HYDIN: variants seen among roughly 807,000 people sequenced by gnomAD.
HYDIN encodes the protein HYDIN axonemal central pair apparatus protein.
Under a neutral mutation model 403.9 loss-of-function variants are expected in HYDIN, and 132 were observed. The ratio of observed to expected loss-of-function variants is 0.33; its 90% confidence interval spans 0.28 to 0.38. The LOEUF (loss-of-function observed/expected upper bound fraction) is 0.38. HYDIN is among the 10% of genes least tolerant of loss of function. HYDIN has a pLI of 1.00. For synonymous variants in HYDIN, 1,202 were observed against 1,891.7 expected, an observed-to-expected ratio of 0.64 and a Z score of 9.46; for missense variants, 2,827 against 5,009.5, an observed-to-expected ratio of 0.56 and a Z score of 13.15.
chr16:71,136,882 T>A (rs1429617495), intron 8 of HYDIN, among the ~76,000 whole-genome samples: 1 of 144,386 alleles, frequency 6.9e-6, no homozygotes, highest in Non-Finnish European at 1.5e-5. Context: ...ATGATAGGTT[T>A]TGTCTTCAAA....
chr16:71,210,906 T>C (rs1410026962), intron 1 of HYDIN, among the ~76,000 whole-genome samples: 3 of 152,082 alleles, frequency 2.0e-5, no homozygotes, highest in Non-Finnish European at 4.4e-5. Context: ...GTATATTATA[T>C]GATAAAGCAA....
chr16:70,922,478 C>T (rs970577773), intron 45 of HYDIN, among the ~76,000 whole-genome samples: 6 of 152,220 alleles, frequency 3.9e-5, no homozygotes, highest in Admixed American at 3.9e-4. Context: ...ACACGTGGAA[C>T]ATTTACAGAA....
chr16:70,927,842 C>G (rs1482289881), intron 45 of HYDIN, among the ~76,000 whole-genome samples: 1 of 151,874 alleles, frequency 6.6e-6, no homozygotes, highest in Non-Finnish European at 1.5e-5. Context: ...AAATGGCTGG[C>G]AACCTAGAGG....
intron 1 of HYDIN, among the ~76,000 whole-genome samples, chr16:71,213,325 T>C (rs528655524): frequency 6.6e-6 from 1 of 152,224 alleles, no homozygotes; most frequent in East Asian, 1.9e-4. Context: ...AATAATAGCG[T>C]TTATAATATT....
chr16:71,134,711 T>C (rs1320371991), intron 8 of HYDIN, among the ~76,000 whole-genome samples: 1 of 152,180 alleles, frequency 6.6e-6, no homozygotes, highest in Non-Finnish European at 1.5e-5. Context: ...AAGGGCAAAC[T>C]TGTCTGTACT....
At chr16:70,982,358 T>C (rs943628653) in intron 28 of HYDIN, among the ~76,000 whole-genome samples, 8 of 151,492 alleles carry the variant, frequency 5.3e-5, no homozygotes, top group African/African-American at 1.9e-4. Flanking sequence ...AAGGAATATA[T>C]GGCATTGGAA....
Position 71,069,311 on chromosome 16 carries a change from G to T in HYDIN, c.1930C>A (p.Pro644Thr). ...SMKPKEFTIS[P>T]DCGTIRPQGF... ...TGGGGGCGAATGGTGCCACAGTCAG[G>T]AGAGATGGTGAATTCTTTTGGTTTC... Residue 644 changes from proline to threonine, a missense_variant, in exon 14 of 86, where the codon CCT becomes ACT. Pro to Thr is a conservative substitution (Grantham distance 38). Coordinates refer to ENST00000393567, the MANE Select transcript of HYDIN (RefSeq NM_001270974.2). 1 of 1,613,784 alleles carries T rather than the reference G, an allele frequency of 6.2e-7. No individual in the cohort carries two copies. Among genetic ancestry groups the T allele is most frequent in the Admixed American group, 1.7e-5 (1 of 59,974 alleles).
At chr16:71,219,600 C>T (rs1404419052) in intron 1 of HYDIN, among the ~76,000 whole-genome samples, 1 of 152,166 alleles carries the variant, frequency 6.6e-6, no homozygotes, top group Admixed American at 6.5e-5. Context: ...TAAAAGTCCA[C>T]TTTTCCTCCA....
At chr16:70,886,504 A>G (rs544290301) in intron 58 of HYDIN, among the ~76,000 whole-genome samples, 66 of 152,070 alleles carry the variant, frequency 4.3e-4, no homozygotes, top group African/African-American at 1.5e-3. Flanking sequence ...ATTATTGCTT[A>G]CCATGTTTTT....
At chr16:70,972,624 A>G (rs988923996) in intron 35 of HYDIN, among the ~76,000 whole-genome samples, 3 of 151,820 alleles carry the variant, frequency 2.0e-5, no homozygotes, top group Non-Finnish European at 4.4e-5. Context: ...CACACTGTGT[A>G]CTTTATTCAA....
In HYDIN at chr16:70,963,231, A is replaced by AT. The variant is rs1052811580; in HGVS notation, c.5789-1094dup. Reference sequence around the variant, plus strand: ...TTTTTCCCCGGCACTTTTTTCACTAATTTTTTTTTCCCACCACTTTAGCTC... The same window carrying AT: ...TTTTTCCCCGGCACTTTTTTCACTAATTTTTTTTTTCCCACCACTTTAGCTC... On this transcript the variant is annotated intron_variant, in intron 37 of 85. Transcript: ENST00000393567. Among the ~76,000 whole-genome samples the AT allele has an allele frequency of 5.3e-5, 8 of 150,850 alleles. No individual in the cohort carries two copies. In the South Asian group the frequency reaches 1.1e-3, roughly 20 times the overall value.
intron 8 of HYDIN, among the ~76,000 whole-genome samples, chr16:71,130,470 GTTTTTTTT>G (rs56853905): frequency 1.3e-5 from 1 of 75,786 alleles, no homozygotes. Flanking sequence ...ATATATACCG[GTTTTTTTT>G]TTTTTTTTTT....
intron 7 of HYDIN, among the ~76,000 whole-genome samples, chr16:71,148,657 G>A (rs1180188107): frequency 5.3e-5 from 8 of 151,034 alleles, no homozygotes; most frequent in Non-Finnish European, 1.2e-4. Context: ...AAATTAAATT[G>A]TTCTGCTAAT....
At chr16:70,858,300 G>C (rs1432681847) in intron 71 of HYDIN, among the ~76,000 whole-genome samples, 4 of 152,222 alleles carry the variant, frequency 2.6e-5, no homozygotes, top group African/African-American at 4.8e-5. Flanking sequence ...GAAATGAGTG[G>C]CCAGGCCAGC....
At chr16:70,946,662 C>T (rs915945863) in intron 41 of HYDIN, among the ~76,000 whole-genome samples, 3 of 152,092 alleles carry the variant, frequency 2.0e-5, no homozygotes, top group East Asian at 1.9e-4. Context: ...ATGGAGGTTT[C>T]GATGGGGCCA....
intron 13 of HYDIN, among the ~76,000 whole-genome samples, chr16:71,077,401 C>T (rs2082651829): frequency 6.6e-6 from 1 of 151,790 alleles, no homozygotes; most frequent in African/African-American, 2.4e-5. Context: ...ATTATATTTT[C>T]TAGTTAATCA....
chr16:71,185,637 C>T (rs745930562), intron 2 of HYDIN, among the ~76,000 whole-genome samples: 1 of 151,972 alleles, frequency 6.6e-6, no homozygotes, highest in Admixed American at 6.6e-5. Flanking sequence ...ACACAAAATG[C>T]TTTTACCCTT....
At chr16:71,021,852 T>C (rs2080507748) in intron 21 of HYDIN, among the ~76,000 whole-genome samples, 1 of 152,188 alleles carries the variant, frequency 6.6e-6, no homozygotes, top group Non-Finnish European at 1.5e-5. Context: ...GTTCTATGCC[T>C]AGCACAGTCT....
intron 39 of HYDIN, among the ~76,000 whole-genome samples, chr16:70,955,899 A>T (rs2078220420): frequency 6.6e-6 from 1 of 151,946 alleles, no homozygotes; most frequent in Admixed American, 6.6e-5. Context: ...GCTCACCGTA[A>T]CCTCTGCCTC....
Sources: gnomAD v4.1 joint callset for allele counts (sites outside exome capture counted in the v4.1 genomes callset) on GRCh38, gnomAD v4.1.1 for gene constraint, MANE v1.5 for transcripts, NCBI Gene and HGNC (gene_info 2026-07-23, HGNC 2026-07-21) for gene names.